RBFOX1: variants seen among roughly 807,000 people sequenced by gnomAD.
RBFOX1 encodes RNA binding fox-1 homolog 1.
A neutral mutation model predicts 57.7 loss-of-function variants in RBFOX1; 8 were observed. The observed-to-expected ratio is 0.14, with a 90% CI of 0.08 to 0.25. The LOEUF is 0.25. Among genes scored for constraint, RBFOX1 ranks in the 10% least tolerant of loss-of-function variants. The pLI is 1.00. For synonymous variants in RBFOX1, 326 were observed against 222.4 expected (o/e 1.47, Z -4.15); for missense variants, 611 against 548.5 (o/e 1.11, Z -1.14).
chr16:5,454,858 C>T (rs28522075), intron 1 of RBFOX1, among the ~76,000 whole-genome samples: 1 of 11,518 alleles, frequency 8.7e-5, no homozygotes, highest in Admixed American at 8.8e-4. Context: ...TCTTTCTTTT[C>T]TTTCTTTCTT....
chr16:7,435,964 T>C (rs974163431), intron 4 of RBFOX1, among the ~76,000 whole-genome samples: 1 of 152,244 alleles, frequency 6.6e-6, no homozygotes, highest in African/African-American at 2.4e-5. Context: ...TCATTCCTTT[T>C]ATGACATAGC....
At chr16:5,726,528 G>A (rs562379390) in intron 3 of RBFOX1, among the ~76,000 whole-genome samples, 53 of 152,272 alleles carry the variant, frequency 3.5e-4, no homozygotes, top group African/African-American at 1.2e-3. Flanking sequence ...GCCCCATGCC[G>A]TGAGGTCAGC....
chr16:6,088,064 T>C (rs144347988), intron 1 of RBFOX1, among the ~76,000 whole-genome samples: 14 of 152,336 alleles, frequency 9.2e-5, no homozygotes, highest in African/African-American at 3.1e-4. Context: ...CAACAAACTT[T>C]CTACAAGGTG....
intron 3 of RBFOX1, among the ~76,000 whole-genome samples, chr16:5,661,990 T>C (rs1336552739): frequency 8.5e-5 from 13 of 152,098 alleles, no homozygotes; most frequent in Admixed American, 8.5e-4. Flanking sequence ...GGTTTCACCA[T>C]GTTAGCAGGG....
chr16:7,529,883 C>T (rs910616497), intron 5 of RBFOX1, among the ~76,000 whole-genome samples: 2 of 151,852 alleles, frequency 1.3e-5, no homozygotes, highest in Admixed American at 6.6e-5. Context: ...GTGGCGGGCA[C>T]CTGTAATCCC....
chr16:7,618,710 T>G (rs1435466571), intron 10 of RBFOX1, among the ~76,000 whole-genome samples: 1 of 152,194 alleles, frequency 6.6e-6, no homozygotes, highest in African/African-American at 2.4e-5. Context: ...CCCTTTCTGT[T>G]AATTACATGT....
chr16:7,091,559 A>AT (rs1232755596), intron 4 of RBFOX1, among the ~76,000 whole-genome samples: 2 of 151,638 alleles, frequency 1.3e-5, no homozygotes, highest in African/African-American at 4.8e-5. Flanking sequence ...AAAATGCATC[A>AT]TTTTTTCTAC....
intron 1 of RBFOX1, among the ~76,000 whole-genome samples, chr16:5,325,838 T>A (rs2064555328): frequency 6.6e-6 from 1 of 152,212 alleles, no homozygotes; most frequent in Non-Finnish European, 1.5e-5. Flanking sequence ...TGAGGGATAT[T>A]TGAGTTTGTT....
intron 3 of RBFOX1, among the ~76,000 whole-genome samples, chr16:6,953,174 A>G (rs1047547999): frequency 6.6e-6 from 1 of 152,090 alleles, no homozygotes; most frequent in Non-Finnish European, 1.5e-5. Context: ...AACCATGATC[A>G]TTCCCTTATA....
intron 4 of RBFOX1, among the ~76,000 whole-genome samples, chr16:7,200,704 G>A (rs1384106630): frequency 3.9e-5 from 6 of 152,162 alleles, no homozygotes; most frequent in African/African-American, 1.4e-4. Flanking sequence ...TAATAATGCT[G>A]TGTTCCTCGG....
intron 4 of RBFOX1, among the ~76,000 whole-genome samples, chr16:7,125,953 C>T (rs1212717920): frequency 1.3e-5 from 2 of 152,092 alleles, no homozygotes; most frequent in African/African-American, 2.4e-5. Flanking sequence ...CGTGGTGGCA[C>T]ACACCCGTAA....
At chr16:5,520,551 T>G (rs190645691) in intron 2 of RBFOX1, among the ~76,000 whole-genome samples, 157 of 152,316 alleles carry the variant, frequency 1.0e-3, no homozygotes, top group Non-Finnish European at 1.4e-3. Flanking sequence ...ATCCTTCTGC[T>G]GAGACTGGGA....
At chr16:5,594,152 G>C (rs1182565070) in intron 2 of RBFOX1, among the ~76,000 whole-genome samples, 1 of 152,150 alleles carries the variant, frequency 6.6e-6, no homozygotes, top group Non-Finnish European at 1.5e-5. Context: ...TCTGTCCATT[G>C]CTCAGGAAGC....
chr16:5,843,788 C>T (rs2056685349), intron 3 of RBFOX1, among the ~76,000 whole-genome samples: 1 of 152,192 alleles, frequency 6.6e-6, no homozygotes, highest in Non-Finnish European at 1.5e-5. Flanking sequence ...ATGCATCCTT[C>T]TCTAAAGCCT....
At chr16:5,688,154 AG>A (rs1352938358) in intron 3 of RBFOX1, among the ~76,000 whole-genome samples, 8 of 152,328 alleles carry the variant, frequency 5.3e-5, no homozygotes, top group African/African-American at 1.9e-4. Flanking sequence ...AATGGTGTTT[AG>A]GTATGACAGA....
intron 3 of RBFOX1, among the ~76,000 whole-genome samples, chr16:5,842,298 T>C (rs1012539710): frequency 2.6e-5 from 4 of 152,004 alleles, no homozygotes; most frequent in African/African-American, 9.7e-5. Flanking sequence ...TAATTTAACA[T>C]TGTTGTTCCC....
intron 3 of RBFOX1, among the ~76,000 whole-genome samples, chr16:6,874,513 A>T (rs1411694976): frequency 2.5e-3 from 45 of 18,190 alleles, no homozygotes; most frequent in African/African-American, 0.016. Flanking sequence ...TCCATCTAAA[A>T]AAAAAAAAAA....
intron 2 of RBFOX1, among the ~76,000 whole-genome samples, chr16:5,567,074 G>T (rs1490132170): frequency 6.6e-6 from 1 of 152,134 alleles, no homozygotes; most frequent in Non-Finnish European, 1.5e-5. Context: ...AATTAGTGGG[G>T]CTGGAAATGC....
chr16:7,639,165 A>G lies in RBFOX1; in HGVS notation c.757+8482A>G, dbSNP rs182584234. Among the ~76,000 whole-genome samples, 40 of 152,254 alleles carry G rather than the reference A, an allele frequency of 2.6e-4. 1 individual carries two copies. The East Asian group carries it at 6.4e-3, about 24-fold the overall frequency. On this transcript the variant is annotated intron_variant, in intron 11 of 15. Transcript: ENST00000550418. The stretch of plus-strand genomic sequence containing the variant: ...AATCTGGTTTCAGAGGCTTAATTCT[A>G]CTGACATTAGTCTAAGACCTGCCCC...
Sources: gnomAD v4.1 joint callset for allele counts (sites outside exome capture counted in the v4.1 genomes callset) on GRCh38, gnomAD v4.1.1 for gene constraint, MANE v1.5 for transcripts, NCBI Gene and HGNC (gene_info 2026-07-23, HGNC 2026-07-21) for gene names.